The following SPIDR variants were observed in gnomAD, a reference collection of about 807,000 sequenced individuals.
SPIDR encodes scaffold protein involved in DNA repair, also known as DNA repair-scaffolding protein.
A neutral mutation model predicts 104.6 loss-of-function variants in SPIDR; 93 were observed. The ratio of observed to expected loss-of-function variants is 0.89; its 90% CI spans 0.75 to 1.06. The LOEUF is 1.06. Ranked by LOEUF, SPIDR falls within the 50% of genes least tolerant of loss-of-function variation. The pLI is 0.00. For synonymous variants in SPIDR, 431 were observed against 416.9 expected, an observed-to-expected ratio of 1.03 and a Z score of -0.41; for missense variants, 1,154 against 1,111.2, an observed-to-expected ratio of 1.04 and a Z score of -0.55.
intron 3 of SPIDR, 93 bp downstream of exon 3, chr8:47,284,187 C>A: frequency 2.0e-6 from 2 of 1,021,804 alleles, no homozygotes; most frequent in Non-Finnish European, 2.9e-6. Flanking sequence ...AAAAAAGTGA[C>A]ATGGTTTGGG....
intron 8 of SPIDR, among the ~76,000 whole-genome samples, chr8:47,565,333 G>C (rs2057651008): frequency 6.6e-6 from 1 of 152,188 alleles, no homozygotes; most frequent in Non-Finnish European, 1.5e-5. Flanking sequence ...GGGCAGTAAA[G>C]AGAAGCAACA....
intron 1 of SPIDR, 71 bp from the exon 2 acceptor site, chr8:47,279,791 C>G: frequency 7.0e-7 from 1 of 1,438,122 alleles, no homozygotes. Context: ...AAATTGTGAA[C>G]TGAATGTCTA....
In SPIDR at chr8:47,281,383, G is replaced by A. The variant is rs894726190; in HGVS notation, c.189+1366G>A. On this transcript the variant is annotated intron_variant, in intron 2 of 19. Coordinates refer to ENST00000297423, the MANE Select transcript of SPIDR (RefSeq NM_001080394.4). ...CTTTCATGAAAGATTACTGAGTAGC[G>A]TGTGATGCTGGTAACATTTGACCAG... is the stretch of plus-strand genomic sequence containing the variant. Among the ~76,000 whole-genome samples, 7 of 152,272 alleles carry A rather than the reference G, an allele frequency of 4.6e-5. 1 individual carries two copies. Among genetic ancestry groups the A allele is most frequent in the African/African-American group, 7.2e-5 (3 of 41,534 alleles).
intron 6 of SPIDR, among the ~76,000 whole-genome samples, chr8:47,401,175 C>G (rs782332283): frequency 6.6e-6 from 1 of 152,044 alleles, no homozygotes; most frequent in Non-Finnish European, 1.5e-5. Context: ...GAGTGGGGGG[C>G]CAATATTCAA....
chr8:47,306,661 TG>T (rs1466161105), intron 5 of SPIDR, among the ~76,000 whole-genome samples: 1 of 152,222 alleles, frequency 6.6e-6, no homozygotes, highest in Admixed American at 6.5e-5. Flanking sequence ...ATCTTCGATC[TG>T]GTTATTCTAT....
In SPIDR at chr8:47,491,365, AAAG is replaced by A. The variant is rs1310099900; in HGVS notation, c.1097+50826_1097+50828del. On this transcript the variant is annotated intron_variant, in intron 8 of 19. Coordinates refer to ENST00000297423, the MANE Select transcript of SPIDR (RefSeq NM_001080394.4). ...AAAATTCTGTTTATTTAAAAGAAAAAAAGAAACAGATCCAGACCTATTTAGAAT... is the reference window on the plus strand; with the variant it reads ...AAAATTCTGTTTATTTAAAAGAAAAAAAACAGATCCAGACCTATTTAGAAT... Among the ~76,000 whole-genome samples, 14 of 152,240 alleles carry A rather than the reference AAAG, an allele frequency of 9.2e-5. No homozygotes were observed. The East Asian group carries it at 2.5e-3, about 27-fold the overall frequency.
intron 10 of SPIDR, among the ~76,000 whole-genome samples, chr8:47,630,001 GA>G (rs1563365069): frequency 2.0e-5 from 3 of 152,166 alleles, no homozygotes; most frequent in Admixed American, 6.5e-5. Flanking sequence ...ACTATATGCA[GA>G]AAAAATGTAA....
chr8:47,455,065 G>A (rs1254338586), intron 8 of SPIDR, among the ~76,000 whole-genome samples: 5 of 152,070 alleles, frequency 3.3e-5, no homozygotes, highest in Admixed American at 2.0e-4. Flanking sequence ...ATTGGTCAAG[G>A]TAGTTGCATA....
At chr8:47,541,931 A>C (rs754265057) in intron 8 of SPIDR, among the ~76,000 whole-genome samples, 15 of 152,130 alleles carry the variant, frequency 9.9e-5, no homozygotes, top group Non-Finnish European at 2.1e-4. Flanking sequence ...ACTCCATCTC[A>C]GAAAAATAAA....
At chr8:47,637,190 C>T (rs774832045) in intron 10 of SPIDR, among the ~76,000 whole-genome samples, 1 of 152,208 alleles carries the variant, frequency 6.6e-6, no homozygotes, top group African/African-American at 2.4e-5. Flanking sequence ...GCCATGTCTC[C>T]TCAGGCTCCT....
intron 8 of SPIDR, among the ~76,000 whole-genome samples, chr8:47,538,857 CT>C (rs1161571829): frequency 0.044 from 4,441 of 100,876 alleles, 29 homozygotes; most frequent in Non-Finnish European, 0.065. Context: ...TTTTTCTTTT[CT>C]TTTTTTTTTT....
At chr8:47,540,854 CAG>C (rs1015973035) in intron 8 of SPIDR, among the ~76,000 whole-genome samples, 12 of 152,062 alleles carry the variant, frequency 7.9e-5, no homozygotes, top group African/African-American at 2.4e-4. Context: ...ATTGAAAAAA[CAG>C]TGGTTTTAAT....
intron 8 of SPIDR, among the ~76,000 whole-genome samples, chr8:47,539,157 G>A (rs984037151): frequency 2.6e-5 from 4 of 151,874 alleles, no homozygotes; most frequent in African/African-American, 9.7e-5. Context: ...CACCATGCCC[G>A]GCCTATTGTG....
intron 8 of SPIDR, among the ~76,000 whole-genome samples, chr8:47,554,024 C>A (rs1446871276): frequency 1.3e-5 from 2 of 152,146 alleles, no homozygotes; most frequent in Non-Finnish European, 2.9e-5. Context: ...CACTCCAGAC[C>A]CTATTTGCCT....
At chr8:47,343,989 G>A (rs1395965677) in intron 5 of SPIDR, among the ~76,000 whole-genome samples, 4 of 148,970 alleles carry the variant, frequency 2.7e-5, no homozygotes, top group South Asian at 2.1e-4. Context: ...ATTATTATAC[G>A]TCAAGTTCTA....
chr8:47,355,271 T>TAAAAAAAAAAAAAAAAAAAAAAAAAA (rs34902790), intron 5 of SPIDR, among the ~76,000 whole-genome samples: 1 of 116,568 alleles, frequency 8.6e-6, no homozygotes, highest in African/African-American at 3.3e-5. Flanking sequence ...AGGTTTTTTG[T>TAAAAAAAAAAAAAAAAAAAAAAAAAA]AAAAAAAAAA....
intron 5 of SPIDR, among the ~76,000 whole-genome samples, chr8:47,299,356 G>A (rs1194437047): frequency 9.2e-5 from 14 of 152,176 alleles, no homozygotes; most frequent in African/African-American, 2.2e-4. Flanking sequence ...TTGGGCTGAG[G>A]CAATGGGGTT....
intron 10 of SPIDR, among the ~76,000 whole-genome samples, chr8:47,636,589 G>C (rs2067959767): frequency 6.6e-6 from 1 of 152,176 alleles, no homozygotes. Flanking sequence ...GGGAGGCCGA[G>C]GCTGGAGGAT....
intron 8 of SPIDR, among the ~76,000 whole-genome samples, chr8:47,529,149 C>T (rs1383679932): frequency 1.3e-5 from 2 of 152,128 alleles, no homozygotes; most frequent in African/African-American, 4.8e-5. Context: ...AGGCCGGGCC[C>T]GGTGGCTCGG....
Sources: gnomAD v4.1 joint callset for allele counts (sites outside exome capture counted in the v4.1 genomes callset) on GRCh38, gnomAD v4.1.1 for gene constraint, MANE v1.5 for transcripts, NCBI Gene and HGNC (gene_info 2026-07-23, HGNC 2026-07-21) for gene names.